Variants in GALNT13 observed in about 807,000 individuals in gnomAD.
GALNT13 encodes UDP-GalNAc:polypeptide N-acetylgalactosaminyltransferase 13.
A neutral mutation model predicts 64.2 loss-of-function variants in GALNT13; 28 were observed. The ratio of observed to expected loss-of-function variants is 0.44; its 90% CI spans 0.32 to 0.60. GALNT13 has a LOEUF of 0.60. Ranked by LOEUF, GALNT13 falls within the 20% of genes least tolerant of loss-of-function variation. The pLI is 0.05. For synonymous variants in GALNT13, 214 were observed against 224.6 expected (o/e 0.95, Z 0.42); for missense variants, 577 against 669.8 (o/e 0.86, Z 1.53).
the GALNT13 span, among the ~76,000 whole-genome samples, chr2:153,471,845 C>T: frequency 6.6e-6 from 1 of 152,112 alleles, no homozygotes. Flanking sequence ...CATTTTGAGA[C>T]AATTTACTTG....
At chr2:153,215,448 C>G in the GALNT13 span, among the ~76,000 whole-genome samples, 1 of 152,074 alleles carries the variant, frequency 6.6e-6, no homozygotes, top group African/African-American at 2.4e-5. Flanking sequence ...TCAACACCAT[C>G]TAACATAAAA....
chr2:153,897,428 T>C, intron 1 of GALNT13, among the ~76,000 whole-genome samples: 1 of 152,246 alleles, frequency 6.6e-6, no homozygotes, highest in Non-Finnish European at 1.5e-5. Context: ...AAAAGTGATG[T>C]TGTGTTCTTC....
At chr2:153,257,858 C>T in the GALNT13 span, among the ~76,000 whole-genome samples, 1 of 152,188 alleles carries the variant, frequency 6.6e-6, no homozygotes, top group Non-Finnish European at 1.5e-5. Flanking sequence ...AAGGCTTTGA[C>T]TGGAATGGTG....
chr2:154,061,438 C>T (rs1700179467), intron 3 of GALNT13, among the ~76,000 whole-genome samples: 1 of 152,156 alleles, frequency 6.6e-6, no homozygotes, highest in African/African-American at 2.4e-5. Context: ...CTCCTCAATC[C>T]TTTGTCAGAA....
chr2:154,455,277 C>T (rs1002500607), downstream of GALNT13, among the ~76,000 whole-genome samples: 1 of 152,144 alleles, frequency 6.6e-6, no homozygotes, highest in Non-Finnish European at 1.5e-5. Context: ...CGTATCTGCT[C>T]ACAACCATTT....
chr2:154,053,631 A>G (rs1699759622), intron 3 of GALNT13, among the ~76,000 whole-genome samples: 1 of 152,250 alleles, frequency 6.6e-6, no homozygotes, highest in South Asian at 2.1e-4. Context: ...GATGAAATAT[A>G]TAGAGTATTT....
At chr2:154,353,132 C>A (rs897140250) in intron 9 of GALNT13, among the ~76,000 whole-genome samples, 3 of 152,082 alleles carry the variant, frequency 2.0e-5, no homozygotes, top group South Asian at 2.1e-4. Context: ...GATTTGACCT[C>A]TTTGAGCCTC....
chr2:153,190,674 G>T, the GALNT13 span, among the ~76,000 whole-genome samples: 1 of 151,844 alleles, frequency 6.6e-6, no homozygotes, highest in Non-Finnish European at 1.5e-5. Context: ...TGAGTTATAT[G>T]GTTAATTTAA....
the GALNT13 span, among the ~76,000 whole-genome samples, chr2:153,859,915 T>G: frequency 3.9e-5 from 6 of 152,186 alleles, no homozygotes. Context: ...TATAGGAAGG[T>G]GTATCACAAG....
At chr2:153,836,173 G>A in the GALNT13 span, among the ~76,000 whole-genome samples, 1 of 151,814 alleles carries the variant, frequency 6.6e-6, no homozygotes, top group African/African-American at 2.4e-5. Context: ...ATAACACATG[G>A]GGCAATTTAT....
At chr2:153,222,905 C>T in the GALNT13 span, among the ~76,000 whole-genome samples, 5 of 152,060 alleles carry the variant, frequency 3.3e-5, no homozygotes, top group Non-Finnish European at 7.4e-5. Context: ...ATGCCTGGGT[C>T]CAGAGAGGCG....
intron 9 of GALNT13, among the ~76,000 whole-genome samples, chr2:154,378,181 A>G (rs1436185240): frequency 6.6e-6 from 1 of 152,118 alleles, no homozygotes; most frequent in East Asian, 1.9e-4. Context: ...ACATTTAAGT[A>G]CAACCCACAT....
intron 8 of GALNT13, among the ~76,000 whole-genome samples, chr2:154,273,211 G>C (rs949552490): frequency 6.6e-6 from 1 of 152,174 alleles, no homozygotes; most frequent in Non-Finnish European, 1.5e-5. Flanking sequence ...AGGATGAAGG[G>C]TAGAGAACTA....
intron 10 of GALNT13, among the ~76,000 whole-genome samples, chr2:154,396,529 T>A (rs1308727307): frequency 2.0e-5 from 3 of 152,180 alleles, no homozygotes; most frequent in African/African-American, 7.2e-5. Flanking sequence ...CATGTTAATG[T>A]AAGTAACATA....
At chr2:154,275,850 C>T (rs896258958) in intron 8 of GALNT13, among the ~76,000 whole-genome samples, 2 of 152,076 alleles carry the variant, frequency 1.3e-5, no homozygotes, top group African/African-American at 2.4e-5. Context: ...GGACTATCCC[C>T]TGCAAAGCCA....
the GALNT13 span, among the ~76,000 whole-genome samples, chr2:153,858,344 C>T: frequency 6.6e-6 from 1 of 152,154 alleles, no homozygotes; most frequent in Non-Finnish European, 1.5e-5. Context: ...GATATTTACT[C>T]AGACTAAGAT....
chr2:153,418,999 A>G, the GALNT13 span, among the ~76,000 whole-genome samples: 1 of 152,186 alleles, frequency 6.6e-6, no homozygotes, highest in Non-Finnish European at 1.5e-5. Context: ...CATACCATAG[A>G]TTAAAAAGAA....
At chr2:153,504,460 C>T in the GALNT13 span, among the ~76,000 whole-genome samples, 1 of 152,104 alleles carries the variant, frequency 6.6e-6, no homozygotes, top group African/African-American at 2.4e-5. Context: ...TTGTCTTGTT[C>T]CAGTTCTCAA....
the GALNT13 span, among the ~76,000 whole-genome samples, chr2:153,688,793 T>C: frequency 2.0e-5 from 3 of 152,094 alleles, no homozygotes; most frequent in Admixed American, 2.0e-4. Context: ...TACCTTTTAC[T>C]GACTTGTGTT....
Sources: gnomAD v4.1 joint callset for allele counts (sites outside exome capture counted in the v4.1 genomes callset) on GRCh38, gnomAD v4.1.1 for gene constraint, MANE v1.5 for transcripts, NCBI Gene and HGNC (gene_info 2026-07-23, HGNC 2026-07-21) for gene names.